Variants in SGCZ observed in about 807,000 individuals in gnomAD.
SGCZ encodes the protein sarcoglycan zeta.
A neutral mutation model predicts 41.3 loss-of-function variants in SGCZ; 40 were observed. The ratio of observed to expected loss-of-function variants is 0.97; its 90% CI spans 0.75 to 1.26. The LOEUF is 1.26. SGCZ is among the 50% of genes most tolerant of loss of function. The pLI, the probability that SGCZ is intolerant of heterozygous loss-of-function variation, is 0.00. For missense variants in SGCZ, 552 were observed against 369.8 expected, an observed-to-expected ratio of 1.49 and a Z score of -4.04; for synonymous variants, 206 against 137.5, an observed-to-expected ratio of 1.50 and a Z score of -3.49.
chr8:14,376,554 C>T lies in SGCZ; in HGVS notation c.235-52350G>A, dbSNP rs768067. On this transcript the variant is annotated intron_variant, in intron 2 of 7. Transcript: ENST00000382080. Reference sequence around the variant, plus strand: ...AAGAAATAGACTTTGACAAAATAATCAGACCCAGATGGTTTTTCAAAGACT... The same window carrying T: ...AAGAAATAGACTTTGACAAAATAATTAGACCCAGATGGTTTTTCAAAGACT... Among the ~76,000 whole-genome samples, 1,325 of 152,098 alleles carry T rather than the reference C, an allele frequency of 8.7e-3. 21 individuals carry two copies. The highest frequency in any genetic ancestry group is 0.03 in the African/African-American group (1,241 of 41,508).
At chr8:14,931,992 T>A (rs1225115842) in intron 1 of SGCZ, among the ~76,000 whole-genome samples, 1 of 151,972 alleles carries the variant, frequency 6.6e-6, no homozygotes, top group Admixed American at 6.5e-5. Flanking sequence ...CTGCATCATA[T>A]TTCCATAATT....
At chr8:15,188,726 T>G (rs2117104580) in intron 1 of SGCZ, among the ~76,000 whole-genome samples, 1 of 152,300 alleles carries the variant, frequency 6.6e-6, no homozygotes, top group South Asian at 2.1e-4. Flanking sequence ...GGAAAAATAA[T>G]AAATACACAT....
rs143759598 is a variant in SGCZ, at chr8:15,176,209, A to G, written c.39+61376T>C. On this transcript the variant is annotated intron_variant, in intron 1 of 7. Coordinates refer to ENST00000382080, the MANE Select transcript of SGCZ (RefSeq NM_139167.4). ...TTTAAAGCTGAGAGGCTTTAATCTT[A>G]CTCACCTTCTAGTCTGTACCATGAA... Among the ~76,000 whole-genome samples the G allele has an allele frequency of 1.1e-3, 164 of 152,218 alleles. 1 individual carries two copies. The highest frequency in any genetic ancestry group is 3.8e-3 in the African/African-American group (157 of 41,530).
At chr8:14,109,213 G>A (rs577047436) in intron 5 of SGCZ, among the ~76,000 whole-genome samples, 1 of 152,126 alleles carries the variant, frequency 6.6e-6, no homozygotes, top group Non-Finnish European at 1.5e-5. Context: ...TTTCCGAAGA[G>A]GTCATATACT....
intron 1 of SGCZ, among the ~76,000 whole-genome samples, chr8:14,733,871 C>T (rs904565482): frequency 3.9e-5 from 6 of 152,148 alleles, no homozygotes; most frequent in African/African-American, 1.4e-4. Flanking sequence ...ATTTGTTAAT[C>T]GTATACCCAT....
At chr8:14,680,278 C>T (rs1380702315) in intron 1 of SGCZ, among the ~76,000 whole-genome samples, 1 of 152,048 alleles carries the variant, frequency 6.6e-6, no homozygotes, top group Admixed American at 6.6e-5. Flanking sequence ...ATGGTGTATA[C>T]GTGTCATTAT....
At chr8:14,806,430 C>A (rs1801532414) in intron 1 of SGCZ, among the ~76,000 whole-genome samples, 12 of 151,246 alleles carry the variant, frequency 7.9e-5, no homozygotes, top group Admixed American at 7.9e-4. Flanking sequence ...ATACAAACTA[C>A]CATCAGAGAA....
In SGCZ at chr8:15,115,029, T is replaced by A. The variant is rs578256836; in HGVS notation, c.39+122556A>T. ...GATAAAACTGGCCATATTGAAAAAC[T>A]AATACACTCTCAAATCTAAGAGTGT... On this transcript the variant is annotated intron_variant, in intron 1 of 7. Coordinates refer to ENST00000382080, the MANE Select transcript of SGCZ (RefSeq NM_139167.4). Among the ~76,000 whole-genome samples, 6 of 152,258 alleles carry A rather than the reference T, an allele frequency of 3.9e-5. No individual in the cohort carries two copies. In the East Asian group the frequency reaches 9.6e-4, roughly 24 times the overall value.
rs73527021 is a variant in SGCZ at position 15,149,575 on chromosome 8, A to G, written c.39+88010T>C. ...TCCTGCTTTAAGGATGGAATTTTCA[A>G]TGCAAGTTAAAACAACAATGAAATA... On this transcript the variant is annotated intron_variant, in intron 1 of 7. Coordinates refer to ENST00000382080, the MANE Select transcript of SGCZ (RefSeq NM_139167.4). Among the ~76,000 whole-genome samples, 463 of 152,292 alleles carry G rather than the reference A, an allele frequency of 3.0e-3. 2 individuals are homozygous for G. Among genetic ancestry groups the G allele is most frequent in the African/African-American group, 0.01 (422 of 41,540 alleles).
intron 2 of SGCZ, among the ~76,000 whole-genome samples, chr8:14,551,483 T>C (rs1247010264): frequency 3.5e-4 from 1 of 2,844 alleles, no homozygotes; most frequent in Non-Finnish European, 8.5e-4. Flanking sequence ...TTATATATTA[T>C]ATATATTATA....
At chr8:14,492,907 A>G (rs1011062477) in intron 2 of SGCZ, among the ~76,000 whole-genome samples, 1 of 152,048 alleles carries the variant, frequency 6.6e-6, no homozygotes, top group Non-Finnish European at 1.5e-5. Flanking sequence ...CCAATCACCA[A>G]GTCTTTTCAG....
At chr8:14,900,242 G>C (rs539927623) in intron 1 of SGCZ, among the ~76,000 whole-genome samples, 24 of 152,216 alleles carry the variant, frequency 1.6e-4, no homozygotes, top group African/African-American at 5.8e-4. Context: ...AGTAAATACT[G>C]AGCATATCTT....
chr8:14,511,227 G>A (rs55905580), intron 2 of SGCZ, among the ~76,000 whole-genome samples: 151,145 of 151,884 alleles, frequency 1, 75,203 homozygotes, highest in Middle Eastern at 1. Context: ...GGCAGTCCCT[G>A]TAGGGAAAGC....
intron 1 of SGCZ, among the ~76,000 whole-genome samples, chr8:14,871,766 T>C (rs150930324): frequency 1.4e-3 from 219 of 151,972 alleles, no homozygotes; most frequent in African/African-American, 5.0e-3. Context: ...TTTGCACCAC[T>C]GCACACCAGC....
chr8:15,148,260 GA>G (rs1799087974), intron 1 of SGCZ, among the ~76,000 whole-genome samples: 1 of 152,190 alleles, frequency 6.6e-6, no homozygotes, highest in Non-Finnish European at 1.5e-5. Context: ...CAATATTGGG[GA>G]AATAGTAGTT....
At chr8:15,236,302 C>G (rs1479824293) in intron 1 of SGCZ, among the ~76,000 whole-genome samples, 1 of 152,208 alleles carries the variant, frequency 6.6e-6, no homozygotes, top group East Asian at 1.9e-4. Flanking sequence ...TGCGTGCCCC[C>G]TGGCCAGGGC....
At chr8:14,668,970 T>A (rs890018132) in intron 1 of SGCZ, among the ~76,000 whole-genome samples, 6 of 152,104 alleles carry the variant, frequency 3.9e-5, no homozygotes, top group Non-Finnish European at 7.4e-5. Context: ...AACATGTAAG[T>A]TCTACTCTCA....
In SGCZ at chr8:14,660,869, C is replaced by G. The variant is rs141544601; in HGVS notation, c.40-105943G>C. Among the ~76,000 whole-genome samples the G allele has an allele frequency of 2.2e-3, 335 of 152,174 alleles. 3 individuals are homozygous for G. Among genetic ancestry groups the G allele is most frequent in the African/African-American group, 7.8e-3 (325 of 41,530 alleles). ...TATATTGCTTTGTTCTAACTGGAAA[C>G]TGAACTTTTATATAGAGGTCTTACC... is the stretch of plus-strand genomic sequence containing the variant. On this transcript the variant is annotated intron_variant, in intron 1 of 7. Transcript: ENST00000382080.
At chr8:14,885,115 G>T (rs1804738497) in intron 1 of SGCZ, among the ~76,000 whole-genome samples, 1 of 152,092 alleles carries the variant, frequency 6.6e-6, no homozygotes, top group South Asian at 2.1e-4. Context: ...ATCCCAGGTG[G>T]GCTTTCACAA....
Sources: gnomAD v4.1 joint callset for allele counts (sites outside exome capture counted in the v4.1 genomes callset) on GRCh38, gnomAD v4.1.1 for gene constraint, MANE v1.5 for transcripts, NCBI Gene and HGNC (gene_info 2026-07-23, HGNC 2026-07-21) for gene names.